UVRAG: variants seen among roughly 807,000 people sequenced by gnomAD.
UVRAG encodes the protein UV radiation resistance associated.
In UVRAG, 19 loss-of-function variants were observed where a neutral mutation model predicts 78.0. The ratio of observed to expected loss-of-function variants is 0.24; its 90% CI spans 0.17 to 0.36. UVRAG has a LOEUF of 0.36. Among genes scored for constraint, UVRAG ranks in the 10% least tolerant of loss-of-function variants. UVRAG has a pLI of 1.00. For synonymous variants in UVRAG, 323 were observed against 324.6 expected, an observed-to-expected ratio of 1.00 and a Z score of 0.05; for missense variants, 740 against 853.8, an observed-to-expected ratio of 0.87 and a Z score of 1.66.
intron 13 of UVRAG, among the ~76,000 whole-genome samples, chr11:76,083,936 C>T (rs1019489179): frequency 1.6e-4 from 25 of 152,172 alleles, no homozygotes; most frequent in Non-Finnish European, 1.3e-4. Flanking sequence ...AAGCCTGTGG[C>T]CCAGCTATCA....
chr11:76,061,148 T>C (rs915575942), intron 12 of UVRAG, among the ~76,000 whole-genome samples: 10 of 152,302 alleles, frequency 6.6e-5, no homozygotes, highest in African/African-American at 2.2e-4. Flanking sequence ...TGTGTCTAGC[T>C]CAGGGTTTGT....
At chr11:75,936,293 A>G (rs1467851141) in intron 6 of UVRAG, among the ~76,000 whole-genome samples, 2 of 152,218 alleles carry the variant, frequency 1.3e-5, no homozygotes. Context: ...ACATTTTTAG[A>G]TGATAAATGT....
chr11:76,066,518 G>T (rs1295381087), intron 13 of UVRAG, among the ~76,000 whole-genome samples: 1 of 151,936 alleles, frequency 6.6e-6, no homozygotes, highest in East Asian at 1.9e-4. Flanking sequence ...TGTCACCCAG[G>T]CTGGAGTGCA....
intron 14 of UVRAG, among the ~76,000 whole-genome samples, chr11:76,134,383 C>T (rs150948231): frequency 0.01 from 1,535 of 151,954 alleles, 30 homozygotes; most frequent in African/African-American, 0.035. Flanking sequence ...CCCACCTCAG[C>T]CTCCCTAAGT....
chr11:75,875,194 T>C (rs189211023), intron 3 of UVRAG, among the ~76,000 whole-genome samples: 3 of 152,240 alleles, frequency 2.0e-5, no homozygotes, highest in Non-Finnish European at 2.9e-5. Flanking sequence ...TTTACTCTTA[T>C]AGGTACCATT....
At chr11:75,908,738 T>G (rs910718262) in intron 5 of UVRAG, among the ~76,000 whole-genome samples, 16 of 144,702 alleles carry the variant, frequency 1.1e-4, no homozygotes, top group East Asian at 9.8e-4. Flanking sequence ...TTTTTTTTTT[T>G]TGTGGGAGTT....
At chr11:75,894,603 T>A (rs1221149984) in intron 5 of UVRAG, among the ~76,000 whole-genome samples, 1 of 151,900 alleles carries the variant, frequency 6.6e-6, no homozygotes, top group Non-Finnish European at 1.5e-5. Flanking sequence ...CTCACACCTG[T>A]AATCCCAGCA....
At chr11:76,068,704 A>T (rs114710014) in intron 13 of UVRAG, among the ~76,000 whole-genome samples, 2,069 of 152,172 alleles carry the variant, frequency 0.014, 51 homozygotes, top group African/African-American at 0.047. Context: ...TTTGTCTTTG[A>T]CCTTACTGCC....
chr11:75,849,134 C>T (rs935068641), intron 1 of UVRAG, among the ~76,000 whole-genome samples: 5 of 151,942 alleles, frequency 3.3e-5, no homozygotes, highest in Admixed American at 6.6e-5. Context: ...GCCGACATGG[C>T]GCCATTGCAC....
chr11:76,033,512 CAA>C (rs1950475494), intron 12 of UVRAG, among the ~76,000 whole-genome samples: 1 of 151,588 alleles, frequency 6.6e-6, no homozygotes, highest in African/African-American at 2.4e-5. Flanking sequence ...ATCACAGAAA[CAA>C]GACCATATTA....
chr11:75,888,557 A>G (rs1947145730), intron 4 of UVRAG, among the ~76,000 whole-genome samples: 1 of 152,264 alleles, frequency 6.6e-6, no homozygotes, highest in Admixed American at 6.5e-5. Flanking sequence ...TAGCCATTCC[A>G]TAACAACCTC....
intron 1 of UVRAG, among the ~76,000 whole-genome samples, chr11:75,847,042 C>G (rs1439696972): frequency 1.3e-5 from 2 of 151,012 alleles, no homozygotes; most frequent in African/African-American, 4.9e-5. Flanking sequence ...CCAGGCTACT[C>G]TCGAACTCCT....
chr11:75,934,778 A>T (rs1315873430), intron 6 of UVRAG, among the ~76,000 whole-genome samples: 1 of 152,208 alleles, frequency 6.6e-6, no homozygotes, highest in African/African-American at 2.4e-5. Context: ...CCTCATTCAG[A>T]AGCTGTTTAC....
rs1952169304 is a variant in UVRAG, at chr11:76,115,929, A to G, written c.1311A>G (p.Arg437=). The change falls in exon 14 of 15, where the codon AGA becomes AGG. Residue 437 remains arginine, a synonymous_variant. Coordinates refer to ENST00000356136, the MANE Select transcript of UVRAG (RefSeq NM_003369.4). ...YLLNKNIAQL[R]YQHGLGTPDL... Reference sequence around the variant, plus strand: ...CTATTTTTTCACCTTCACAGCTAAGATATCAACATGGACTAGGGACTCCAG... The same window carrying G: ...CTATTTTTTCACCTTCACAGCTAAGGTATCAACATGGACTAGGGACTCCAG... 2 of 1,613,846 alleles carry G rather than the reference A, an allele frequency of 1.2e-6. No individual in the cohort carries two copies. The highest frequency in any genetic ancestry group is 1.7e-6 in the Non-Finnish European group (2 of 1,179,816).
At chr11:75,841,568 T>C (rs1383357207) in intron 1 of UVRAG, among the ~76,000 whole-genome samples, 1 of 152,206 alleles carries the variant, frequency 6.6e-6, no homozygotes, top group East Asian at 1.9e-4. Flanking sequence ...TTCCATTGCA[T>C]TTTTACATTG....
chr11:76,024,876 A>G (rs1160866681), intron 12 of UVRAG, among the ~76,000 whole-genome samples: 1 of 152,224 alleles, frequency 6.6e-6, no homozygotes, highest in Middle Eastern at 3.4e-3. Flanking sequence ...ATGGAATCAG[A>G]TCTTCATGGG....
chr11:76,141,668 T>TG lies in UVRAG; in HGVS notation c.*255_*256insG. The TG allele has an allele frequency of 2.0e-6, 1 of 501,138 alleles. No homozygotes were observed. 31.0% of individuals were successfully genotyped at this position (501,138 alleles called of 1,614,324 possible). On this transcript the variant is annotated 3_prime_UTR_variant, in exon 15 of 15. Transcript: ENST00000356136. ...AAAATCACCCTCTAGTTGAAAGAGC[T>TG]TACAGCTCGAGTCACCTTTTAGCTA...
At chr11:76,045,712 A>AG (rs1425715285) in intron 12 of UVRAG, among the ~76,000 whole-genome samples, 1 of 151,758 alleles carries the variant, frequency 6.6e-6, no homozygotes, top group Admixed American at 6.6e-5. Flanking sequence ...AAAAAAAAAA[A>AG]AAAGCCGGAG....
chr11:75,953,171 T>G (rs1462749536), intron 6 of UVRAG, among the ~76,000 whole-genome samples: 2 of 152,148 alleles, frequency 1.3e-5, no homozygotes, highest in African/African-American at 4.8e-5. Flanking sequence ...CTTTTCACAT[T>G]TACACCATCT....
Sources: gnomAD v4.1 joint callset for allele counts (sites outside exome capture counted in the v4.1 genomes callset) on GRCh38, gnomAD v4.1.1 for gene constraint, MANE v1.5 for transcripts, NCBI Gene and HGNC (gene_info 2026-07-23, HGNC 2026-07-21) for gene names.